Variants in TNNI3K observed in about 807,000 individuals in gnomAD.
The protein encoded by TNNI3K is TNNI3 interacting kinase.
A neutral mutation model predicts 114.5 loss-of-function variants in TNNI3K; 140 were observed. That is an observed-to-expected ratio of 1.22 (90% CI 1.07 to 1.41). The LOEUF (loss-of-function observed/expected upper bound fraction) is 1.41, where lower values mean the gene tolerates loss of function less well. Ranked by LOEUF, TNNI3K falls within the 40% of genes most tolerant of loss-of-function variation. TNNI3K has a pLI of 0.00. For synonymous variants in TNNI3K, 347 were observed against 347.5 expected, an observed-to-expected ratio of 1.00 and a Z score of 0.02; for missense variants, 1,125 against 1,007.6, an observed-to-expected ratio of 1.12 and a Z score of -1.58.
At chr1:74,372,080 GA>G (rs1178571080) in intron 17 of TNNI3K, 2 of 100,528 alleles carry the variant, frequency 2.0e-5, no homozygotes, top group African/African-American at 7.6e-5. Context: ...GTGGTTACAA[GA>G]TAGTTTTTAA....
intron 20 of TNNI3K, among the ~76,000 whole-genome samples, chr1:74,462,642 C>G (rs45521235): frequency 2.6e-5 from 4 of 152,268 alleles, no homozygotes; most frequent in African/African-American, 9.6e-5. Context: ...TAGTTATCTA[C>G]CATGATGCCT....
chr1:74,250,395 T>C (rs750057272), intron 3 of TNNI3K, among the ~76,000 whole-genome samples: 52 of 152,354 alleles, frequency 3.4e-4, no homozygotes, highest in African/African-American at 1.2e-3. Context: ...AATTCTCTTA[T>C]GTGTTTATGT....
At chr1:74,354,987 A>G (rs1277835626) in intron 11 of TNNI3K, among the ~76,000 whole-genome samples, 4 of 152,330 alleles carry the variant, frequency 2.6e-5, no homozygotes, top group African/African-American at 9.6e-5. Flanking sequence ...TTATTGAGAT[A>G]TATTTGCCTC....
chr1:74,520,685 C>G (rs45529034), intron 23 of TNNI3K, among the ~76,000 whole-genome samples: 25 of 152,032 alleles, frequency 1.6e-4, no homozygotes, highest in African/African-American at 6.0e-4. Context: ...TTTTAAGACA[C>G]TGAGAACAAA....
chr1:74,538,744 G>A (rs1165618437), intron 23 of TNNI3K, among the ~76,000 whole-genome samples: 1 of 152,130 alleles, frequency 6.6e-6, no homozygotes, highest in Non-Finnish European at 1.5e-5. Context: ...TTCAGCAAAA[G>A]GGGATTTGCG....
rs555204702 is a variant in TNNI3K, at chr1:74,542,096, G to C, written c.2431+1783G>C. On this transcript the variant is annotated intron_variant, in intron 24 of 24. Transcript: ENST00000326637. The stretch of plus-strand genomic sequence containing the variant: ...GTTGAGTTCTTCTTAAACTGAGTGG[G>C]TCCACAATCTGACACATCTGTTCTT... Among the ~76,000 whole-genome samples, 25 of 152,256 alleles carry C rather than the reference G, an allele frequency of 1.6e-4. No homozygotes were observed. The South Asian group carries it at 4.8e-3, about 29-fold the overall frequency.
At chr1:74,344,423 T>C (rs1204796836) in intron 9 of TNNI3K, among the ~76,000 whole-genome samples, 1 of 152,200 alleles carries the variant, frequency 6.6e-6, no homozygotes, top group Non-Finnish European at 1.5e-5. Context: ...TACCTAATTC[T>C]AAATCCTGTG....
intron 4 of TNNI3K, among the ~76,000 whole-genome samples, chr1:74,252,105 G>T (rs1012368573): frequency 1.3e-5 from 2 of 152,112 alleles, no homozygotes; most frequent in Non-Finnish European, 2.9e-5. Flanking sequence ...GAACCTCACC[G>T]TCTGGGAGAT....
rs139879054 is a variant in TNNI3K, at chr1:74,406,905, A to T, written c.1773-29175A>T. On this transcript the variant is annotated intron_variant, in intron 17 of 24. Transcript: ENST00000326637. Reference sequence around the variant, plus strand: ...TCCAGAAATGTCCTACATCAAGCAAATGATTTAAAGATGTGCTCTTTGCCT... The same window carrying T: ...TCCAGAAATGTCCTACATCAAGCAATTGATTTAAAGATGTGCTCTTTGCCT... Among the ~76,000 whole-genome samples the T allele has an allele frequency of 4.6e-3, 693 of 152,302 alleles. 6 individuals carry two copies. Among genetic ancestry groups the T allele is most frequent in the African/African-American group, 0.016 (649 of 41,568 alleles).
Position 74,505,100 on chromosome 1 carries a change from C to G in TNNI3K, c.2351+12834C>G, listed in dbSNP as rs274610. ...AAGAGAAACCCTCTCCATTCATACA[C>G]AAAGGAGGGCCCGGGCCCACTCTTA... On this transcript the variant is annotated intron_variant, in intron 23 of 24. Coordinates refer to ENST00000326637, the MANE Select transcript of TNNI3K (RefSeq NM_015978.3). Among the ~76,000 whole-genome samples the G allele has an allele frequency of 2.4e-3, 368 of 152,300 alleles. 1 individual carries two copies. Among genetic ancestry groups the G allele is most frequent in the African/African-American group, 8.1e-3 (336 of 41,572 alleles).
intron 2 of TNNI3K, among the ~76,000 whole-genome samples, chr1:74,248,526 C>A (rs921223702): frequency 3.3e-5 from 5 of 152,168 alleles, no homozygotes; most frequent in African/African-American, 1.2e-4. Flanking sequence ...GATATGCAAT[C>A]AAAAAATGAT....
At chr1:74,337,100 G>A (rs1356369212) in intron 7 of TNNI3K, among the ~76,000 whole-genome samples, 4 of 151,652 alleles carry the variant, frequency 2.6e-5, no homozygotes, top group Admixed American at 2.6e-4. Context: ...CTGATGGCCA[G>A]TGATGATGAG....
intron 17 of TNNI3K, among the ~76,000 whole-genome samples, chr1:74,387,704 G>A (rs149873932): frequency 2.6e-5 from 4 of 152,288 alleles, no homozygotes; most frequent in East Asian, 1.9e-4. Flanking sequence ...CTTTGAAGTC[G>A]GCGGTATCGA....
chr1:74,529,343 A>G (rs910064730), intron 23 of TNNI3K, among the ~76,000 whole-genome samples: 1 of 152,196 alleles, frequency 6.6e-6, no homozygotes, highest in African/African-American at 2.4e-5. Context: ...CATAATTTGA[A>G]TCTAATCATT....
chr1:74,246,367 T>G (rs530227379), intron 2 of TNNI3K, among the ~76,000 whole-genome samples: 5 of 152,248 alleles, frequency 3.3e-5, no homozygotes, highest in Non-Finnish European at 5.9e-5. Flanking sequence ...GTAGAGGTAT[T>G]CAGCGGAGCT....
At chr1:74,460,073 A>G (rs920234653) in intron 20 of TNNI3K, among the ~76,000 whole-genome samples, 10 of 151,966 alleles carry the variant, frequency 6.6e-5, no homozygotes, top group African/African-American at 2.2e-4. Context: ...ATTTAACAAC[A>G]TATAACTTTT....
chr1:74,464,954 T>C, intron 21 of TNNI3K: 1 of 1,223,992 alleles, frequency 8.2e-7, no homozygotes. Flanking sequence ...AATCTCTGCA[T>C]CTGAATTTTG....
intron 17 of TNNI3K, among the ~76,000 whole-genome samples, chr1:74,419,947 T>C (rs1371935888): frequency 6.6e-6 from 1 of 152,032 alleles, no homozygotes; most frequent in Admixed American, 6.6e-5. Flanking sequence ...TAAGAGGGTG[T>C]GATACAACAT....
intron 20 of TNNI3K, among the ~76,000 whole-genome samples, chr1:74,451,683 T>TTTTCTTTTCTTTTCTTTTC (rs1553148031): frequency 1.0e-4 from 8 of 76,276 alleles, no homozygotes; most frequent in African/African-American, 1.6e-4. Flanking sequence ...TTTTCTTTTC[T>TTTTCTTTTCTTTTCTTTTC]TTTCTTTCTT....
Sources: gnomAD v4.1 joint callset for allele counts (sites outside exome capture counted in the v4.1 genomes callset) on GRCh38, gnomAD v4.1.1 for gene constraint, MANE v1.5 for transcripts, NCBI Gene and HGNC (gene_info 2026-07-23, HGNC 2026-07-21) for gene names.